PHF10: variants seen among roughly 807,000 people sequenced by gnomAD.
PHF10 encodes the protein PHD finger protein 10.
In PHF10, 51 loss-of-function variants were observed where a neutral mutation model predicts 68.5. The observed-to-expected ratio is 0.74, with a 90% CI of 0.59 to 0.94. The LOEUF (loss-of-function observed/expected upper bound fraction) is 0.94. PHF10 is among the 40% of genes least tolerant of loss of function. The pLI, the probability that PHF10 is intolerant of heterozygous loss-of-function variation, is 0.00. For synonymous variants in PHF10, 204 were observed against 203.5 expected (o/e 1.00, Z -0.02); for missense variants, 460 against 602.6 (o/e 0.76, Z 2.48).
At chr6:169,712,033 T>TCC (rs1260180785) in intron 8 of PHF10, among the ~76,000 whole-genome samples, 1 of 152,186 alleles carries the variant, frequency 6.6e-6, no homozygotes, top group Non-Finnish European at 1.5e-5. Flanking sequence ...GCAAATGCAC[T>TCC]CCCCTCAACT....
Position 169,724,116 on chromosome 6 carries a change from G to T in PHF10, c.-185C>A, listed in dbSNP as rs1412346540. On this transcript the variant is annotated 5_prime_UTR_variant, in exon 1 of 12. Coordinates refer to ENST00000339209, the MANE Select transcript of PHF10 (RefSeq NM_018288.4). ...GCGCGCCCCGCGGCCCGCCAGCGCC[G>T]CCGCCACCGCCATGGCCGTCGCCAG... 1 of 140,984 alleles carries T rather than the reference G, an allele frequency of 7.1e-6. No individual in the cohort carries two copies. Among genetic ancestry groups the T allele is most frequent in the South Asian group, 2.3e-4 (1 of 4,404 alleles). The allele number at this position is 140,984 out of a possible 1,614,324, so 8.7% of individuals were successfully genotyped here. A position where few individuals can be genotyped will look rare whatever the true frequency, so the allele number is the denominator to read the frequency against.
At chr6:169,715,509 G>C (rs1018582983) in intron 6 of PHF10, among the ~76,000 whole-genome samples, 199 bp downstream of exon 6, 1 of 152,124 alleles carries the variant, frequency 6.6e-6, no homozygotes, top group African/African-American at 2.4e-5. Flanking sequence ...GGAGGTTGCA[G>C]TGAGCCGAGA....
chr6:169,714,944 C>T (rs1789011718), intron 6 of PHF10, 102 bp from the exon 7 acceptor site: 2 of 694,486 alleles, frequency 2.9e-6, no homozygotes, highest in Non-Finnish European at 5.2e-6. Context: ...ACTTCCCCCT[C>T]GAAAAGCTAA....
intron 3 of PHF10, 51 bp downstream of exon 3, chr6:169,718,737 T>A: frequency 9.7e-7 from 1 of 1,028,480 alleles, no homozygotes; most frequent in South Asian, 1.5e-5. Context: ...TGACAGTGTA[T>A]CATAAAGAAT....
At chr6:169,723,400 G>A (rs1241929079) in intron 1 of PHF10, among the ~76,000 whole-genome samples, 1 of 152,202 alleles carries the variant, frequency 6.6e-6, no homozygotes, top group East Asian at 1.9e-4. Flanking sequence ...TAAGTTCACT[G>A]AGTGTGTTGA....
At position 169,716,529 on chromosome 6, in the gene PHF10, C is replaced by T. The variant is rs576597471; in HGVS notation, c.410-441G>A. Among the ~76,000 whole-genome samples, 14 of 151,784 alleles carry T rather than the reference C, an allele frequency of 9.2e-5. No individual in the cohort carries two copies. The South Asian group carries it at 2.9e-3, about 32-fold the overall frequency. On this transcript the variant is annotated intron_variant, in intron 4 of 11. Transcript: ENST00000339209. ...TAAAATTTCACCAAAAACATCAGCA[C>T]ACACACACACACCATGGAGACAATT...
In PHF10 at chr6:169,721,006, C is replaced by T. The variant is rs1159771559; in HGVS notation, c.193G>A (p.Gly65Ser). ...TAATAACCGATAAAATGACAGTACCCAAGATCTTGACTTGAAGTTTCACAA... is the reference window on the plus strand; with the variant it reads ...TAATAACCGATAAAATGACAGTACCTAAGATCTTGACTTGAAGTTTCACAA... ...RSCETSSQDL[G>S]FSYYPAENLI... Residue 65 changes from glycine to serine, a missense_variant and splice_region_variant, in exon 2 of 12, where the codon GGT (glycine) becomes AGT (serine). Physicochemically the swap from Gly to Ser is moderately conservative, Grantham distance 56. Around this residue, in one of 3 missense-constraint regions of PHF10, gnomAD observed 93 missense variants for 82.4 expected, o/e 1.13. Coordinates refer to ENST00000339209, the MANE Select transcript of PHF10 (RefSeq NM_018288.4). The T allele has an allele frequency of 6.6e-7, 1 of 1,511,704 alleles. No homozygotes were observed. Among genetic ancestry groups the T allele is most frequent in the Non-Finnish European group, 9.0e-7 (1 of 1,113,138 alleles). 93.6% of individuals were successfully genotyped at this position (1,511,704 alleles called of 1,614,324 possible).
At chr6:169,714,515 G>A (rs1382389548) in intron 7 of PHF10, among the ~76,000 whole-genome samples, 1 of 152,166 alleles carries the variant, frequency 6.6e-6, no homozygotes, top group Non-Finnish European at 1.5e-5. Context: ...CAAACAGAAT[G>A]GGCAGAGACA....
rs775514935 is a variant in PHF10, at chr6:169,705,165, G to A, written c.1379C>T (p.Thr460Ile). Residue 460 changes from threonine to isoleucine, a missense_variant, in exon 11 of 12, where the codon ACT (threonine) becomes ATT (isoleucine). Physicochemically the swap from Thr to Ile is moderately conservative, Grantham distance 89. Coordinates refer to ENST00000339209, the MANE Select transcript of PHF10 (RefSeq NM_018288.4). The stretch of plus-strand genomic sequence containing the variant: ...AATAGCACCAAGGCCCACACAAAAA[G>A]TATGATAACCTCTGTCACACATATC... ...FCDMCDRGYH[T>I]FCVGLGAIPS... 1 of 1,611,206 alleles carries A rather than the reference G, an allele frequency of 6.2e-7. No individual in the cohort carries two copies. Among genetic ancestry groups the A allele is most frequent in the Non-Finnish European group, 8.5e-7 (1 of 1,178,790 alleles).
chr6:169,723,296 A>T (rs1327600911), intron 1 of PHF10, among the ~76,000 whole-genome samples: 1 of 152,152 alleles, frequency 6.6e-6, no homozygotes, highest in Non-Finnish European at 1.5e-5. Context: ...CTCCACAAGC[A>T]CCAATTTCTT....
chr6:169,723,982 C>G lies in PHF10; in HGVS notation c.-51G>C, dbSNP rs1789256625. 1 of 513,240 alleles carries G rather than the reference C, an allele frequency of 1.9e-6. No homozygotes were observed. The highest frequency in any genetic ancestry group is 2.5e-6 in the Non-Finnish European group (1 of 402,412). 31.8% of individuals were successfully genotyped at this position (513,240 alleles called of 1,614,324 possible). ...CGCCGCCGTCGCCTCCGCCTTGTCC[C>G]GGCCGCCGCCGCCGCTGCCGCCGCC... On this transcript the variant is annotated 5_prime_UTR_variant, in exon 1 of 12. Coordinates refer to ENST00000339209, the MANE Select transcript of PHF10 (RefSeq NM_018288.4).
chr6:169,716,338 T>G (rs1789046781), intron 4 of PHF10, among the ~76,000 whole-genome samples: 1 of 152,134 alleles, frequency 6.6e-6, no homozygotes, highest in African/African-American at 2.4e-5. Flanking sequence ...ATTTTTAAGA[T>G]TCTATGTGCT....
intron 7 of PHF10, among the ~76,000 whole-genome samples, chr6:169,713,598 C>CAAAA (rs755248180): frequency 1.3e-5 from 1 of 76,678 alleles, no homozygotes; most frequent in African/African-American, 4.6e-5. Context: ...GACTCCATCT[C>CAAAA]AAAAAAAAAA....
intron 8 of PHF10, among the ~76,000 whole-genome samples, chr6:169,711,683 G>C (rs1788929054): frequency 6.6e-6 from 1 of 152,150 alleles, no homozygotes; most frequent in East Asian, 1.9e-4. Flanking sequence ...TGCATAATAT[G>C]TATTATTAAA....
At chr6:169,715,884 T>C in intron 5 of PHF10, 27 bp from the exon 6 acceptor site, 1 of 1,603,250 alleles carries the variant, frequency 6.2e-7, no homozygotes, top group Non-Finnish European at 8.5e-7. Flanking sequence ...CAGTTGGAAG[T>C]CACATATAAC....
Position 169,703,919 on chromosome 6 carries a change from C to T in PHF10, c.*84G>A. On this transcript the variant is annotated 3_prime_UTR_variant, in exon 12 of 12. Transcript: ENST00000339209. ...TAAGCTCATAATTTGCAAAAAAAAT[C>T]TTTTATTGGCATGAAAATAATGTTG... The T allele has an allele frequency of 8.7e-7, 1 of 1,145,930 alleles. No homozygotes were observed. Among genetic ancestry groups the T allele is most frequent in the East Asian group, 2.8e-5 (1 of 36,120 alleles). The allele number at this position is 1,145,930 out of a possible 1,614,324, so 71.0% of individuals were successfully genotyped here.
At position 169,718,760 on chromosome 6, in the gene PHF10, T is replaced by C. The variant is rs1789110418; in HGVS notation, c.325+28A>G. On this transcript the variant is annotated intron_variant, in intron 3 of 11. Transcript: ENST00000339209. ...TATCATAAAGAATTACTATCAATTA[T>C]AAATTAATCTATTATATAAACTAGT... 3.2e-6 allele frequency: 4 copies of C among 1,250,324 alleles called. No homozygotes were observed. In the East Asian group the frequency reaches 9.4e-5, roughly 29 times the overall value. 77.5% of individuals were successfully genotyped at this position (1,250,324 alleles called of 1,614,324 possible). A position where few individuals can be genotyped will look rare whatever the true frequency, so the allele number is the denominator to read the frequency against.
In PHF10 at chr6:169,710,289, T is replaced by G; in HGVS notation, c.1060A>C (p.Arg354=). 2 of 1,613,276 alleles carry G rather than the reference T, an allele frequency of 1.2e-6. No homozygotes were observed. The highest frequency in any genetic ancestry group is 1.7e-6 in the Non-Finnish European group (2 of 1,179,514). Residue 354 remains arginine, a synonymous_variant, in exon 9 of 12, where the codon AGA becomes CGA. Transcript: ENST00000339209. The part of the protein sequence containing the change: ...QKSKDKAATP[R]KDGPKRSVLS... ...ACAGAACGTTTGGGACCATCTTTTC[T>G]TGGAGTGGCAGCTTTGTCTTTTGAT... is the stretch of plus-strand genomic sequence containing the variant.
intron 10 of PHF10, 33 bp downstream of exon 10, chr6:169,705,583 G>T: frequency 9.0e-7 from 1 of 1,111,066 alleles, no homozygotes; most frequent in Non-Finnish European, 1.4e-6. Context: ...AAATACGGTG[G>T]TTAAAATTTT....
Sources: allele counts gnomAD v4.1 joint callset (sites outside exome capture counted in the v4.1 genomes callset), GRCh38; gene constraint gnomAD v4.1.1; regional missense constraint gnomAD v4.1.1; transcripts MANE v1.5; gene names NCBI Gene and HGNC (gene_info 2026-07-23, HGNC 2026-07-21).